The following SAMD13 variants were observed in gnomAD, a reference collection of about 807,000 sequenced individuals.
SAMD13 encodes the protein sterile alpha motif domain-containing protein 13.
A neutral mutation model predicts 12.4 loss-of-function variants in SAMD13; 9 were observed. The observed-to-expected ratio is 0.72, with a 90% CI of 0.44 to 1.26. SAMD13 has a LOEUF of 1.26. Ranked by LOEUF, SAMD13 falls within the 50% of genes most tolerant of loss-of-function variation. The probability of loss-of-function intolerance (pLI) is 0.00; values close to 1 mark genes in which losing one functional copy is unlikely to be tolerated. For synonymous variants in SAMD13, 46 were observed against 45.4 expected, an observed-to-expected ratio of 1.01 and a Z score of -0.05; for missense variants, 84 against 119.6, an observed-to-expected ratio of 0.70 and a Z score of 1.39.
At chr1:84,331,726 CTTG>C (rs1457463495) in intron 3 of SAMD13, among the ~76,000 whole-genome samples, 1 of 151,910 alleles carries the variant, frequency 6.6e-6, no homozygotes, top group Non-Finnish European at 1.5e-5. Flanking sequence ...AAGGAAAAAA[CTTG>C]TTGAAGTTTT....
At chr1:84,325,448 AT>A (rs1235517504) in intron 2 of SAMD13, among the ~76,000 whole-genome samples, 188 bp from the exon 3 acceptor site, 3 of 152,166 alleles carry the variant, frequency 2.0e-5, no homozygotes, top group Non-Finnish European at 4.4e-5. Flanking sequence ...ATGTCTCTGG[AT>A]TAAAAACCAG....
At chr1:84,323,219 T>C (rs1678982376) in intron 2 of SAMD13, among the ~76,000 whole-genome samples, 1 of 152,142 alleles carries the variant, frequency 6.6e-6, no homozygotes, top group Admixed American at 6.6e-5. Context: ...GGAAGGAAAA[T>C]GGTAGCTTGA....
chr1:84,348,060 G>C (rs908153480), intron 3 of SAMD13, among the ~76,000 whole-genome samples: 2 of 152,132 alleles, frequency 1.3e-5, no homozygotes, highest in African/African-American at 2.4e-5. Context: ...GTTCTGCTCT[G>C]GTTCATATTA....
chr1:84,338,366 A>T (rs918985135), intron 3 of SAMD13, among the ~76,000 whole-genome samples: 1 of 151,828 alleles, frequency 6.6e-6, no homozygotes, highest in Admixed American at 6.6e-5. Context: ...AGGAGGAGCA[A>T]GTCACATCTT....
At chr1:84,347,716 T>C (rs890436643) in intron 3 of SAMD13, among the ~76,000 whole-genome samples, 2 of 152,278 alleles carry the variant, frequency 1.3e-5, no homozygotes, top group East Asian at 3.9e-4. Context: ...TAAGGTTACA[T>C]CTAATTTGGT....
At chr1:84,347,449 C>T (rs1679556142) in intron 3 of SAMD13, among the ~76,000 whole-genome samples, 1 of 152,174 alleles carries the variant, frequency 6.6e-6, no homozygotes. Context: ...CACAGGCATA[C>T]TTGGCTTTTG....
intron 2 of SAMD13, among the ~76,000 whole-genome samples, chr1:84,309,832 C>A (rs1274003144): frequency 1.3e-5 from 2 of 151,898 alleles, no homozygotes; most frequent in Admixed American, 6.6e-5. Context: ...CATTAGTGAC[C>A]AAGAAAATGC....
upstream of SAMD13, chr1:84,299,626 A>T (rs1678398377): frequency 8.0e-6 from 12 of 1,507,300 alleles, no homozygotes; most frequent in Non-Finnish European, 9.8e-6. Flanking sequence ...GATGGCAAAC[A>T]GTTTGTTGGA....
At chr1:84,299,578 T>C, upstream of SAMD13, 2 of 1,499,678 alleles carry the variant, frequency 1.3e-6, no homozygotes, top group South Asian at 1.3e-5. Context: ...TACTTTATGC[T>C]ACATACTACA....
At chr1:84,314,416 A>C (rs971588206) in intron 2 of SAMD13, among the ~76,000 whole-genome samples, 3 of 152,196 alleles carry the variant, frequency 2.0e-5, no homozygotes, top group Non-Finnish European at 4.4e-5. Flanking sequence ...GCATTTGTTT[A>C]TTTACTCCTA....
intron 3 of SAMD13, among the ~76,000 whole-genome samples, chr1:84,331,354 A>AAC (rs1553201705): frequency 1.2e-5 from 1 of 82,432 alleles, no homozygotes; most frequent in African/African-American, 4.3e-5. Flanking sequence ...AAAAAAAAAA[A>AAC]AAAATTATGG....
chr1:84,303,410 C>G lies in SAMD13; in HGVS notation c.53+123C>G, dbSNP rs1678493843. 5.7e-6 allele frequency: 4 copies of G among 699,698 alleles called. No individual in the cohort carries two copies. The South Asian group carries it at 6.8e-5, about 12-fold the overall frequency. 43.3% of individuals were successfully genotyped at this position (699,698 alleles called of 1,614,324 possible). ...TGGGGGTCGCCTTGGTTTGTCTACA[C>G]TGGCCAGCAGCCTCCCTTCTCCCCC... On this transcript the variant is annotated intron_variant, in intron 2 of 3. Coordinates refer to ENST00000394834, the MANE Select transcript of SAMD13 (RefSeq NM_001134663.2).
At chr1:84,345,207 C>G in intron 3 of SAMD13, 1 of 456,266 alleles carries the variant, frequency 2.2e-6, no homozygotes, top group South Asian at 1.5e-5. Flanking sequence ...AAAGAAAGTG[C>G]TAGAAGATGT....
rs559413899 is a variant in SAMD13, at chr1:84,333,892, G to A, written c.165+8144G>A. On this transcript the variant is annotated intron_variant, in intron 3 of 3. Transcript: ENST00000394834. ...ATATGTTGAACCAACCTTGCTTCCC[G>A]GGGATAAAGCCTACTTGATTGTGGG... Among the ~76,000 whole-genome samples the A allele has an allele frequency of 7.2e-5, 11 of 152,086 alleles. No individual in the cohort carries two copies. The East Asian group carries it at 1.7e-3, about 24-fold the overall frequency.
chr1:84,345,855 A>C (rs547946478), intron 3 of SAMD13, among the ~76,000 whole-genome samples: 1 of 152,266 alleles, frequency 6.6e-6, no homozygotes, highest in African/African-American at 2.4e-5. Flanking sequence ...ATGCTTTTAA[A>C]ATTTATACAT....
chr1:84,302,549 C>T (rs1678475253), intron 1 of SAMD13: 19 of 290,216 alleles, frequency 6.5e-5, no homozygotes, highest in Non-Finnish European at 8.8e-5. Flanking sequence ...CATACACACA[C>T]ACACACACAC....
Position 84,319,157 on chromosome 1 carries a change from T to C in SAMD13, c.54-6480T>C, listed in dbSNP as rs72942059. ...TCTAAGCAGTGAAGCCATACCCAAA[T>C]CCTTTGGAACAGAGACCATTGTGCT... On this transcript the variant is annotated intron_variant, in intron 2 of 3. Transcript: ENST00000394834. Among the ~76,000 whole-genome samples the C allele has an allele frequency of 5.6e-3, 856 of 152,226 alleles. 5 individuals carry two copies. The highest frequency in any genetic ancestry group is 0.019 in the African/African-American group (788 of 41,526).
At chr1:84,299,564 CACAT>C (rs1678396800), upstream of SAMD13, 2 of 1,481,346 alleles carry the variant, frequency 1.4e-6, no homozygotes. Flanking sequence ...ACATCACACT[CACAT>C]ACTTTATGCT....
chr1:84,339,698 C>T (rs1201420490), intron 3 of SAMD13, among the ~76,000 whole-genome samples: 2 of 152,172 alleles, frequency 1.3e-5, no homozygotes, highest in Admixed American at 1.3e-4. Context: ...AGGGTGCACA[C>T]ACATCAGCTG....
Sources: allele counts gnomAD v4.1 joint callset (sites outside exome capture counted in the v4.1 genomes callset), GRCh38; gene constraint gnomAD v4.1.1; transcripts MANE v1.5; gene names NCBI Gene and HGNC (gene_info 2026-07-23, HGNC 2026-07-21).